PHLPP1: variants seen among roughly 807,000 people sequenced by gnomAD.
The protein encoded by PHLPP1 is PH domain leucine-rich repeat-containing protein phosphatase 1.
Under a neutral mutation model 117.2 loss-of-function variants are expected in PHLPP1, and 42 were observed. That is an observed-to-expected ratio of 0.36 (90% confidence interval 0.28 to 0.46). The LOEUF is 0.46. Among genes scored for constraint, PHLPP1 ranks in the 20% least tolerant of loss-of-function variants. The pLI is 1.00. For synonymous variants in PHLPP1, 1,042 were observed against 970.7 expected (o/e 1.07, Z -1.37); for missense variants, 2,084 against 2,241.9 (o/e 0.93, Z 1.42).
chr18:62,953,787 T>C (rs1322210735), intron 12 of PHLPP1, among the ~76,000 whole-genome samples: 1 of 152,208 alleles, frequency 6.6e-6, no homozygotes, highest in Non-Finnish European at 1.5e-5. Context: ...CAGACTGTGA[T>C]TGGGATCCTC....
At chr18:62,817,614 T>A (rs1054075802) in intron 1 of PHLPP1, among the ~76,000 whole-genome samples, 1 of 151,466 alleles carries the variant, frequency 6.6e-6, no homozygotes, top group African/African-American at 2.4e-5. Flanking sequence ...ACTTCAAGTG[T>A]TTGTAATTGG....
intron 4 of PHLPP1, 60 bp downstream of exon 4, chr18:62,860,661 T>G (rs1915610294): frequency 1.5e-6 from 2 of 1,306,234 alleles, no homozygotes; most frequent in Admixed American, 4.3e-5. Flanking sequence ...GAACTTCTGC[T>G]TGTTATCTCT....
At chr18:62,770,510 A>G (rs889216413) in intron 1 of PHLPP1, among the ~76,000 whole-genome samples, 3 of 152,266 alleles carry the variant, frequency 2.0e-5, no homozygotes, top group Non-Finnish European at 2.9e-5. Flanking sequence ...TTCTTATTGT[A>G]GAATATTGCA....
intron 6 of PHLPP1, among the ~76,000 whole-genome samples, chr18:62,902,731 G>A (rs1916753416): frequency 6.6e-6 from 1 of 152,170 alleles, no homozygotes; most frequent in African/African-American, 2.4e-5. Context: ...CCCAGCTGTA[G>A]TGGTGTCACT....
At chr18:62,956,137 T>A (rs1282665796) in intron 12 of PHLPP1, among the ~76,000 whole-genome samples, 2 of 152,154 alleles carry the variant, frequency 1.3e-5, no homozygotes, top group Non-Finnish European at 2.9e-5. Context: ...TTAAAGGTGG[T>A]GGTATATTAG....
chr18:62,963,737 A>G (rs1285215232), intron 14 of PHLPP1, among the ~76,000 whole-genome samples: 1 of 152,234 alleles, frequency 6.6e-6, no homozygotes, highest in African/African-American at 2.4e-5. Flanking sequence ...GTAAGACTCC[A>G]GTGTTTAGAA....
chr18:62,819,570 A>C (rs1452048454), intron 1 of PHLPP1, among the ~76,000 whole-genome samples: 1 of 152,244 alleles, frequency 6.6e-6, no homozygotes, highest in Non-Finnish European at 1.5e-5. Flanking sequence ...TAAAAGGAGT[A>C]AATGTTTCAG....
At position 62,717,079 on chromosome 18, in the gene PHLPP1, C is replaced by T. The variant is rs765962469; in HGVS notation, c.1396C>T (p.Pro466Ser). 1.9e-6 allele frequency: 3 copies of T among 1,546,826 alleles called. No individual in the cohort carries two copies. Among genetic ancestry groups the T allele is most frequent in the South Asian group, 2.4e-5 (2 of 83,950 alleles). Residue 466 changes from proline (P) to serine (S), a missense_variant, in exon 1 of 17, where the codon CCC becomes TCC. This residue lies in a region of PHLPP1 where 1,365 missense variants were observed against 1,605.9 expected (regional missense o/e 0.85). Transcript: ENST00000262719. ...GVTAEKAPPPPPPPTLYVQLH... is the reference protein window; with the variant it reads ...GVTAEKAPPPSPPPTLYVQLH... ...GACCGCGGAGAAGGCGCCTCCGCCG[C>T]CCCCGCCGCCCACCCTGTACGTGCA...
intron 10 of PHLPP1, among the ~76,000 whole-genome samples, chr18:62,934,272 A>G (rs930346920): frequency 6.6e-6 from 1 of 152,162 alleles, no homozygotes; most frequent in South Asian, 2.1e-4. Flanking sequence ...CCCTGCACTC[A>G]TATGTTTATT....
chr18:62,786,235 C>T (rs1474838524), intron 1 of PHLPP1, among the ~76,000 whole-genome samples: 3 of 152,188 alleles, frequency 2.0e-5, no homozygotes, highest in Non-Finnish European at 2.9e-5. Context: ...AAAAGATAAA[C>T]ATCTTTATTC....
intron 1 of PHLPP1, among the ~76,000 whole-genome samples, chr18:62,738,069 C>G (rs1911419460): frequency 6.6e-6 from 1 of 151,964 alleles, no homozygotes; most frequent in Non-Finnish European, 1.5e-5. Context: ...ATACAGTAGG[C>G]CATCTGTATC....
chr18:62,931,878 GAAAAAAAAA>G (rs61550621), intron 10 of PHLPP1, among the ~76,000 whole-genome samples: 3 of 76,474 alleles, frequency 3.9e-5, no homozygotes, highest in African/African-American at 6.5e-5. Context: ...CTGGGCGACA[GAAAAAAAAA>G]AAAAAAAAAA....
chr18:62,784,554 G>T (rs1399285921), intron 1 of PHLPP1, among the ~76,000 whole-genome samples: 1 of 152,190 alleles, frequency 6.6e-6, no homozygotes, highest in African/African-American at 2.4e-5. Flanking sequence ...AGTGAGTGGT[G>T]CAAAATCAGA....
chr18:62,740,688 T>C (rs1276710419), intron 1 of PHLPP1, among the ~76,000 whole-genome samples: 1 of 152,158 alleles, frequency 6.6e-6, no homozygotes, highest in African/African-American at 2.4e-5. Flanking sequence ...AGAACATAAT[T>C]ATGGCTGGGC....
chr18:62,961,019 G>A (rs1318682482), intron 13 of PHLPP1, among the ~76,000 whole-genome samples: 1 of 152,096 alleles, frequency 6.6e-6, no homozygotes. Context: ...CAAGATGGCC[G>A]GGTGTGGTGG....
chr18:62,850,247 G>T (rs1484240077), intron 3 of PHLPP1, among the ~76,000 whole-genome samples: 2 of 151,800 alleles, frequency 1.3e-5, no homozygotes, highest in Non-Finnish European at 2.9e-5. Context: ...AATTAGCTGG[G>T]TGTGGTGGCA....
At chr18:62,976,759 A>G (rs992251875) in intron 16 of PHLPP1, among the ~76,000 whole-genome samples, 2 of 152,270 alleles carry the variant, frequency 1.3e-5, no homozygotes, top group East Asian at 3.9e-4. Flanking sequence ...TCTCTACTGG[A>G]CTATAAGCTT....
In PHLPP1 at chr18:62,905,296, A is replaced by AGT. The variant is rs748997288; in HGVS notation, c.2708+13_2708+14dup. ...ATGGATGTTTCAAGGTAAGAAGTCA[A>AGT]GTCTTAGAGCCCTCTAGAGTCTACT... On this transcript the variant is annotated intron_variant, in intron 8 of 16. Transcript: ENST00000262719. 3 of 1,454,826 alleles carry AGT rather than the reference A, an allele frequency of 2.1e-6. No homozygotes were observed. The South Asian group carries it at 4.7e-5, about 23-fold the overall frequency. 90.1% of individuals were successfully genotyped at this position (1,454,826 alleles called of 1,614,324 possible).
chr18:62,905,094 G>T, intron 7 of PHLPP1, 130 bp from the exon 8 acceptor site: 3 of 451,222 alleles, frequency 6.6e-6, no homozygotes, highest in Non-Finnish European at 7.6e-6. Context: ...TTAAACAAAT[G>T]ATGTATTGTA....
Sources: allele counts gnomAD v4.1 joint callset (sites outside exome capture counted in the v4.1 genomes callset), GRCh38; gene constraint gnomAD v4.1.1; regional missense constraint gnomAD v4.1.1; transcripts MANE v1.5; gene names NCBI Gene and HGNC (gene_info 2026-07-23, HGNC 2026-07-21).